PACSIN2: variants seen among roughly 807,000 people sequenced by gnomAD.
PACSIN2 encodes protein kinase C and casein kinase substrate in neurons 2, also known as protein kinase C and casein kinase substrate in neurons protein 2.
A neutral mutation model predicts 63.8 loss-of-function variants in PACSIN2; 25 were observed. The ratio of observed to expected loss-of-function variants is 0.39; its 90% CI spans 0.29 to 0.55. The LOEUF (loss-of-function observed/expected upper bound fraction) is 0.55, where lower values mean the gene tolerates loss of function less well. Among genes scored for constraint, PACSIN2 ranks in the 20% least tolerant of loss-of-function variants. PACSIN2 has a pLI of 0.62. For missense variants in PACSIN2, 518 were observed against 646.9 expected, an observed-to-expected ratio of 0.80 and a Z score of 2.16; for synonymous variants, 255 against 256.2, an observed-to-expected ratio of 1.00 and a Z score of 0.05.
chr22:42,997,255 C>T (rs993967575), intron 1 of PACSIN2, among the ~76,000 whole-genome samples: 1 of 152,212 alleles, frequency 6.6e-6, no homozygotes, highest in African/African-American at 2.4e-5. Context: ...CAAAAATTTG[C>T]TGAATACATA....
At chr22:42,971,183 C>A (rs904080812) in intron 1 of PACSIN2, among the ~76,000 whole-genome samples, 29 of 152,362 alleles carry the variant, frequency 1.9e-4, no homozygotes, top group Admixed American at 3.9e-4. Context: ...TGCAGCCTCC[C>A]TGCCTGATTC....
At chr22:42,942,075 C>T (rs1346141812) in intron 1 of PACSIN2, among the ~76,000 whole-genome samples, 1 of 150,644 alleles carries the variant, frequency 6.6e-6, no homozygotes, top group Non-Finnish European at 1.5e-5. Context: ...CTGTGTCCGG[C>T]CTTTATTATT....
rs749103846 is a variant in PACSIN2, at chr22:42,876,332, C to T, written c.1153G>A (p.Val385Met). Reference sequence around the variant, plus strand: ...CTCTGGGTCTTCTCGTAGCTGCTCACACTGCAAGAAAGGGGAGGCCACAGG... The same window carrying T: ...CTCTGGGTCTTCTCGTAGCTGCTCATACTGCAAGAAAGGGGAGGCCACAGG... Reference protein sequence around the residue: ...SEKDDTKAKNVSSYEKTQSYP... With the variant: ...SEKDDTKAKNMSSYEKTQSYP... The change falls in exon 10 of 11, where the codon GTG (valine) becomes ATG (methionine). Residue 385 changes from valine to methionine, a missense_variant and splice_region_variant. Physicochemically the swap from Val to Met is conservative, Grantham distance 21. Around this residue, in one of 2 missense-constraint regions of PACSIN2, gnomAD observed 507 missense variants for 612.3 expected, o/e 0.83. Transcript: ENST00000263246. The T allele has an allele frequency of 2.8e-5, 45 of 1,612,964 alleles. No homozygotes were observed. The highest frequency in any genetic ancestry group is 3.6e-5 in the Non-Finnish European group (42 of 1,179,100).
At chr22:42,968,194 G>A (rs1183183887) in intron 1 of PACSIN2, among the ~76,000 whole-genome samples, 1 of 152,186 alleles carries the variant, frequency 6.6e-6, no homozygotes, top group Non-Finnish European at 1.5e-5. Context: ...CAAGACAGCT[G>A]TGGGTGATTG....
intron 1 of PACSIN2, among the ~76,000 whole-genome samples, chr22:43,002,878 T>A (rs1295876744): frequency 1.3e-5 from 2 of 152,212 alleles, no homozygotes; most frequent in Admixed American, 6.5e-5. Context: ...AGGTAAAACA[T>A]GGAAAATACT....
chr22:42,954,746 T>C (rs2146836532), intron 1 of PACSIN2, among the ~76,000 whole-genome samples: 1 of 152,158 alleles, frequency 6.6e-6, no homozygotes, highest in Non-Finnish European at 1.5e-5. Flanking sequence ...AAGAGGAATA[T>C]ATCCAAGAGG....
intron 10 of PACSIN2, among the ~76,000 whole-genome samples, chr22:42,875,096 T>C (rs1016743867): frequency 3.3e-5 from 5 of 151,966 alleles, no homozygotes; most frequent in Admixed American, 2.0e-4. Flanking sequence ...GTGATCTGTG[T>C]GCCTCGGCCT....
chr22:42,905,266 G>A (rs934705139), intron 2 of PACSIN2, among the ~76,000 whole-genome samples: 4 of 152,256 alleles, frequency 2.6e-5, no homozygotes, highest in Admixed American at 6.5e-5. Context: ...CACAACAGAA[G>A]GAAAGGTGAC....
chr22:42,982,877 A>AAAAAAAAAAAAC (rs1569350231), intron 1 of PACSIN2, among the ~76,000 whole-genome samples: 1 of 129,584 alleles, frequency 7.7e-6, no homozygotes, highest in African/African-American at 3.1e-5. Context: ...AATAAAAAAA[A>AAAAAAAAAAAAC]AAAAAAAAAA....
chr22:42,899,430 G>A (rs1930518492), intron 2 of PACSIN2, among the ~76,000 whole-genome samples: 1 of 152,198 alleles, frequency 6.6e-6, no homozygotes, highest in African/African-American at 2.4e-5. Flanking sequence ...TGGGATGACA[G>A]CAGGCAGAGC....
In PACSIN2 at chr22:42,893,597, C is replaced by A; in HGVS notation, c.77G>T (p.Arg26Leu). The A allele has an allele frequency of 6.2e-7, 1 of 1,613,990 alleles. No homozygotes were observed. The highest frequency in any genetic ancestry group is 8.5e-7 in the Non-Finnish European group (1 of 1,179,914). Residue 26 changes from arginine (R) to leucine (L), a missense_variant, in exon 3 of 11, where the codon CGG becomes CTG. Coordinates refer to ENST00000263246, the MANE Select transcript of PACSIN2 (RefSeq NM_001184970.3). ...GCCATCGTCGATCCGCTTCACAGTCCGCTTGTAGTTCCCGACCTAGGAGAG... is the reference window on the plus strand; with the variant it reads ...GCCATCGTCGATCCGCTTCACAGTCAGCTTGTAGTTCCCGACCTAGGAGAG... The part of the protein sequence containing the change: ...DSFWEVGNYK[R>L]TVKRIDDGHR...
At chr22:42,883,841 T>C (rs1911632317) in intron 6 of PACSIN2, among the ~76,000 whole-genome samples, 2 of 152,162 alleles carry the variant, frequency 1.3e-5, no homozygotes, top group Middle Eastern at 6.8e-3. Flanking sequence ...CCATCTCTAC[T>C]AAAAATACAG....
At chr22:42,985,701 T>C (rs1452938705) in intron 1 of PACSIN2, among the ~76,000 whole-genome samples, 5 of 152,236 alleles carry the variant, frequency 3.3e-5, no homozygotes. Flanking sequence ...AGCTGGTTTT[T>C]AACCTTCTGT....
At chr22:42,958,746 T>C (rs1356853391) in intron 1 of PACSIN2, among the ~76,000 whole-genome samples, 1 of 152,154 alleles carries the variant, frequency 6.6e-6, no homozygotes, top group African/African-American at 2.4e-5. Flanking sequence ...CAAGAAAGCA[T>C]GTTTTTCTGT....
intron 1 of PACSIN2, among the ~76,000 whole-genome samples, chr22:42,947,663 G>A (rs1933484325): frequency 7.3e-6 from 1 of 136,954 alleles, no homozygotes; most frequent in Non-Finnish European, 1.6e-5. Flanking sequence ...GTCTTCACAA[G>A]ACCCCTGGGG....
At chr22:42,917,561 G>A (rs190811689) in intron 1 of PACSIN2, among the ~76,000 whole-genome samples, 606 of 152,190 alleles carry the variant, frequency 4.0e-3, no homozygotes, top group Non-Finnish European at 7.1e-3. Flanking sequence ...GCTGCAGTGA[G>A]CTATTATTGT....
At chr22:42,935,883 C>T (rs547584468) in intron 1 of PACSIN2, among the ~76,000 whole-genome samples, 89 of 152,264 alleles carry the variant, frequency 5.8e-4, no homozygotes, top group African/African-American at 2.0e-3. Flanking sequence ...CCACGTTACC[C>T]AGGTACATTC....
intron 1 of PACSIN2, among the ~76,000 whole-genome samples, chr22:43,014,233 G>A (rs1050736758): frequency 1.3e-5 from 2 of 150,768 alleles, no homozygotes; most frequent in African/African-American, 2.5e-5. Context: ...AAACTCTGAG[G>A]AGGGTCACAA....
intron 1 of PACSIN2, among the ~76,000 whole-genome samples, chr22:42,950,521 G>A (rs1340212195): frequency 7.7e-6 from 1 of 129,790 alleles, no homozygotes; most frequent in Non-Finnish European, 1.6e-5. Context: ...GACGATTCAC[G>A]CTGCTGTCCA....
Sources: gnomAD v4.1 joint callset for allele counts (sites outside exome capture counted in the v4.1 genomes callset) on GRCh38, gnomAD v4.1.1 for gene constraint, gnomAD v4.1.1 regional missense constraint, MANE v1.5 for transcripts, NCBI Gene and HGNC (gene_info 2026-07-23, HGNC 2026-07-21) for gene names.